CD109: variants seen among roughly 807,000 people sequenced by gnomAD.
The protein encoded by CD109 is CD109 antigen.
Under a neutral mutation model 165.8 loss-of-function variants are expected in CD109, and 149 were observed. The ratio of observed to expected loss-of-function variants is 0.90; its 90% confidence interval spans 0.79 to 1.03. CD109 has a LOEUF of 1.03. Ranked by LOEUF, CD109 falls within the 50% of genes least tolerant of loss-of-function variation. The pLI, the probability that CD109 is intolerant of heterozygous loss-of-function variation, is 0.00. For synonymous variants in CD109, 585 were observed against 592.1 expected (o/e 0.99, Z 0.18); for missense variants, 1,712 against 1,677.8 (o/e 1.02, Z -0.36).
At chr6:73,760,855 A>G (rs1437079739) in intron 7 of CD109, among the ~76,000 whole-genome samples, 2 of 151,718 alleles carry the variant, frequency 1.3e-5, no homozygotes, top group Non-Finnish European at 2.9e-5. Context: ...AAAAAATAAA[A>G]TAAAATAAAA....
At chr6:73,777,178 G>A (rs1384776556) in intron 15 of CD109, among the ~76,000 whole-genome samples, 3 of 150,622 alleles carry the variant, frequency 2.0e-5, no homozygotes, top group Non-Finnish European at 3.0e-5. Context: ...GCCTGGTCTT[G>A]AAAACTCTTG....
Position 73,723,115 on chromosome 6 carries a change from G to A in CD109, c.248-136G>A, listed in dbSNP as rs1772021082. 1.9e-6 allele frequency: 3 copies of A among 1,543,276 alleles called. No homozygotes were observed. The South Asian group carries it at 3.8e-5, about 20-fold the overall frequency. On this transcript the variant is annotated intron_variant, in intron 2 of 32. Transcript: ENST00000287097. ...TCTTGGGTCTTCTGGGCATTTAAAT[G>A]TCATTTTGGTTTCACCAAATGTATT... is the stretch of plus-strand genomic sequence containing the variant.
At chr6:73,716,903 C>T (rs1250012438) in intron 2 of CD109, among the ~76,000 whole-genome samples, 1 of 152,126 alleles carries the variant, frequency 6.6e-6, no homozygotes, top group Non-Finnish European at 1.5e-5. Context: ...AGTAGTTTCA[C>T]AGTTTTAGGT....
At chr6:73,778,381 T>G (rs902065544) in intron 15 of CD109, among the ~76,000 whole-genome samples, 1 of 152,180 alleles carries the variant, frequency 6.6e-6, no homozygotes, top group African/African-American at 2.4e-5. Context: ...TGGATGCCCT[T>G]TGTTTCATTT....
intron 18 of CD109, 33 bp from the exon 19 acceptor site, chr6:73,783,674 T>C (rs908433467): frequency 3.2e-6 from 4 of 1,243,414 alleles, no homozygotes; most frequent in African/African-American, 3.0e-5. Context: ...GTTCTTGGTT[T>C]TGTGATGTTT....
intron 30 of CD109, among the ~76,000 whole-genome samples, chr6:73,815,364 A>G (rs899249328): frequency 2.6e-5 from 4 of 152,236 alleles, no homozygotes; most frequent in Non-Finnish European, 2.9e-5. Flanking sequence ...AGAACAGTGT[A>G]TATATAAATT....
chr6:73,693,607 G>C (rs1469119224), upstream of CD109, among the ~76,000 whole-genome samples: 1 of 152,232 alleles, frequency 6.6e-6, no homozygotes, highest in Non-Finnish European at 1.5e-5. Flanking sequence ...CTGGAGTGCA[G>C]TGGCACCATC....
In CD109 at chr6:73,803,525, T is replaced by TTG. The variant is rs147157413; in HGVS notation, c.2960+241_2960+242dup. Reference sequence around the variant, plus strand: ...AAAGATAAGTTATAAATCCTCTTTTTTGTGTGTGTGTGTGTGTGGAAGAAA... The same window carrying TTG: ...AAAGATAAGTTATAAATCCTCTTTTTTGTGTGTGTGTGTGTGTGTGGAAGAAA... On this transcript the variant is annotated intron_variant, in intron 24 of 32. Transcript: ENST00000287097. 3.9e-3 allele frequency among the ~76,000 whole-genome samples: 585 copies of TTG among 151,224 alleles called. 1 individual carries two copies. The highest frequency in any genetic ancestry group is 0.011 in the African/African-American group (459 of 41,220).
intron 15 of CD109, among the ~76,000 whole-genome samples, chr6:73,777,913 T>C (rs1774316917): frequency 6.6e-6 from 1 of 152,224 alleles, no homozygotes; most frequent in Non-Finnish European, 1.5e-5. Context: ...TTTGGTTCCA[T>C]ATGAATTTTA....
intron 2 of CD109, among the ~76,000 whole-genome samples, chr6:73,717,899 G>T (rs1420533289): frequency 6.6e-6 from 1 of 151,870 alleles, no homozygotes; most frequent in African/African-American, 2.4e-5. Flanking sequence ...GATTACAGGC[G>T]TGAGCCACCG....
rs963550373 is a variant in CD109, at chr6:73,755,945, A to C, written c.634-698A>C. ...CACTATACTCCAGCCTGGGTGACAA[A>C]GTGAGACCCTGTCTGAAAAAACAAA... On this transcript the variant is annotated intron_variant, in intron 5 of 32. Transcript: ENST00000287097. Among the ~76,000 whole-genome samples the C allele has an allele frequency of 6.1e-4, 93 of 152,138 alleles. 1 individual carries two copies. Among genetic ancestry groups the C allele is most frequent in the African/African-American group, 2.0e-3 (83 of 41,422 alleles).
intron 2 of CD109, among the ~76,000 whole-genome samples, chr6:73,709,318 T>A (rs1047547662): frequency 2.0e-5 from 3 of 152,216 alleles, no homozygotes; most frequent in African/African-American, 7.2e-5. Context: ...TGTAGATGTG[T>A]GGCATTATTT....
chr6:73,743,815 A>G (rs930041655), intron 5 of CD109, among the ~76,000 whole-genome samples: 8 of 152,196 alleles, frequency 5.3e-5, no homozygotes, highest in Admixed American at 6.5e-5. Context: ...AAATACTTTC[A>G]CTAGTCTTTG....
At position 73,765,911 on chromosome 6, in the gene CD109, G is replaced by A; in HGVS notation, c.1108-19G>A. 6.5e-7 allele frequency: 1 copy of A among 1,543,894 alleles called. No homozygotes were observed. Among genetic ancestry groups the A allele is most frequent in the Non-Finnish European group, 8.9e-7 (1 of 1,119,170 alleles). ...CTTAAATCCTTTGTGTTTTTAAGAT[G>A]TTTTGTTTTGACCATTAGGTGAAGG... On this transcript the variant is annotated intron_variant, in intron 10 of 32. Transcript: ENST00000287097.
At chr6:73,680,988 T>G in the CD109 span, among the ~76,000 whole-genome samples, 1 of 152,162 alleles carries the variant, frequency 6.6e-6, no homozygotes, top group Non-Finnish European at 1.5e-5. Context: ...GGATTGAGCC[T>G]AGAAATTTGC....
chr6:73,765,734 A>G (rs1773810688), intron 10 of CD109, among the ~76,000 whole-genome samples, 196 bp from the exon 11 acceptor site: 1 of 152,168 alleles, frequency 6.6e-6, no homozygotes. Context: ...CGCGGAAGTT[A>G]AGGGAATCCA....
intron 5 of CD109, among the ~76,000 whole-genome samples, chr6:73,737,241 G>T (rs1772580498): frequency 6.6e-6 from 1 of 152,154 alleles, no homozygotes; most frequent in East Asian, 1.9e-4. Flanking sequence ...TGTATCTAAA[G>T]GGGAAGATAT....
chr6:73,700,363 G>T (rs1035804150), intron 2 of CD109, among the ~76,000 whole-genome samples: 1 of 152,002 alleles, frequency 6.6e-6, no homozygotes, highest in Non-Finnish European at 1.5e-5. Context: ...TGGGATTATG[G>T]GTATGAGCCT....
chr6:73,796,713 C>T (rs142022645), intron 23 of CD109, among the ~76,000 whole-genome samples: 36 of 152,180 alleles, frequency 2.4e-4, no homozygotes, highest in Middle Eastern at 6.8e-3. Context: ...GATATTGGGT[C>T]CAGAAGATCT....
Sources: gnomAD v4.1 joint callset for allele counts (sites outside exome capture counted in the v4.1 genomes callset) on GRCh38, gnomAD v4.1.1 for gene constraint, MANE v1.5 for transcripts, NCBI Gene and HGNC (gene_info 2026-07-23, HGNC 2026-07-21) for gene names.